Variants in FHIT observed in about 807,000 individuals in gnomAD.
FHIT encodes the protein fragile histidine triad diadenosine triphosphatase.
A neutral mutation model predicts 17.9 loss-of-function variants in FHIT; 19 were observed. That is an observed-to-expected ratio of 1.06 (90% confidence interval 0.74 to 1.56). FHIT has a LOEUF of 1.56. Among genes scored for constraint, FHIT ranks in the 40% most tolerant of loss-of-function variants. FHIT has a pLI of 0.00. For missense variants in FHIT, 248 were observed against 189.2 expected (o/e 1.31, Z -1.82); for synonymous variants, 81 against 69.7 (o/e 1.16, Z -0.81).
intron 5 of FHIT, among the ~76,000 whole-genome samples, chr3:60,323,295 A>C (rs932116081): frequency 2.0e-5 from 3 of 152,156 alleles, no homozygotes; most frequent in African/African-American, 7.2e-5. Context: ...TGCTTGACTA[A>C]ATTTTCCCAT....
At chr3:61,121,998 T>C (rs1457229597) in intron 2 of FHIT, among the ~76,000 whole-genome samples, 2 of 152,076 alleles carry the variant, frequency 1.3e-5, no homozygotes, top group Non-Finnish European at 2.9e-5. Context: ...CATTACATAA[T>C]GGTAAAGGGA....
chr3:60,147,017 G>A (rs571853817), intron 5 of FHIT, among the ~76,000 whole-genome samples: 3 of 152,178 alleles, frequency 2.0e-5, no homozygotes, highest in South Asian at 4.1e-4. Flanking sequence ...ATTTTGACAC[G>A]CAATCCTTTA....
At chr3:60,457,426 G>C (rs57708137) in intron 5 of FHIT, among the ~76,000 whole-genome samples, 4,018 of 151,494 alleles carry the variant, frequency 0.027, 175 homozygotes, top group African/African-American at 0.093. Context: ...ATACAAAAAT[G>C]AATTCAAGAT....
chr3:60,006,954 T>A (rs1699949479), intron 7 of FHIT, among the ~76,000 whole-genome samples: 1 of 152,230 alleles, frequency 6.6e-6, no homozygotes, highest in Non-Finnish European at 1.5e-5. Context: ...CTTCTTCTTC[T>A]AGAGCAATCT....
intron 3 of FHIT, among the ~76,000 whole-genome samples, chr3:60,829,040 G>A (rs1702223406): frequency 6.6e-6 from 1 of 152,196 alleles, no homozygotes; most frequent in Non-Finnish European, 1.5e-5. Flanking sequence ...CAAAGGCATG[G>A]AGTATACAGC....
In FHIT at chr3:60,130,802, T is replaced by C. The variant is rs1337634403; in HGVS notation, c.104-116650A>G. 1.0e-4 allele frequency among the ~76,000 whole-genome samples: 15 copies of C among 144,358 alleles called. No homozygotes were observed. The South Asian group carries it at 1.3e-3, about 12-fold the overall frequency. 94.7% of individuals were successfully genotyped at this position (144,358 alleles called of 152,430 possible). On this transcript the variant is annotated intron_variant, in intron 5 of 9. Coordinates refer to ENST00000492590, the MANE Select transcript of FHIT (RefSeq NM_002012.4). ...TGTGTGTGGTGTGTATATACACACA[T>C]ATATATGTGTGTATGTGTGTATAGG...
chr3:60,173,048 C>T (rs1451753810), intron 5 of FHIT, among the ~76,000 whole-genome samples: 1 of 152,090 alleles, frequency 6.6e-6, no homozygotes, highest in African/African-American at 2.4e-5. Context: ...ATCTGAAAAG[C>T]AATTATAAAT....
At chr3:60,337,934 T>A (rs532622014) in intron 5 of FHIT, among the ~76,000 whole-genome samples, 1 of 152,294 alleles carries the variant, frequency 6.6e-6, no homozygotes, top group Admixed American at 6.5e-5. Flanking sequence ...GAATACACAG[T>A]CACACATTAC....
intron 3 of FHIT, among the ~76,000 whole-genome samples, chr3:60,920,138 A>C (rs1315110882): frequency 2.6e-5 from 4 of 152,200 alleles, no homozygotes; most frequent in African/African-American, 9.6e-5. Context: ...TTTCAATAAA[A>C]TGGGAGATAA....
intron 2 of FHIT, among the ~76,000 whole-genome samples, chr3:61,152,861 G>A (rs2107057721): frequency 6.6e-6 from 1 of 152,178 alleles, no homozygotes; most frequent in African/African-American, 2.4e-5. Flanking sequence ...GACAATGGTG[G>A]GGCTGGGTGC....
At chr3:60,806,921 T>G (rs1701413528) in intron 4 of FHIT, among the ~76,000 whole-genome samples, 1 of 152,198 alleles carries the variant, frequency 6.6e-6, no homozygotes, top group African/African-American at 2.4e-5. Context: ...ATATCATCCT[T>G]CATTTTTAAT....
At chr3:60,619,712 A>T (rs2039064042) in intron 4 of FHIT, among the ~76,000 whole-genome samples, 1 of 152,022 alleles carries the variant, frequency 6.6e-6, no homozygotes, top group South Asian at 2.1e-4. Flanking sequence ...AAACCATAGA[A>T]CTCCTAGAAA....
At chr3:59,956,216 G>A (rs970737132) in intron 7 of FHIT, among the ~76,000 whole-genome samples, 3 of 152,088 alleles carry the variant, frequency 2.0e-5, no homozygotes, top group African/African-American at 7.2e-5. Flanking sequence ...CCCAGCTCTG[G>A]AGTCAAACTG....
At chr3:60,113,434 G>C (rs1195832211) in intron 5 of FHIT, among the ~76,000 whole-genome samples, 1 of 151,878 alleles carries the variant, frequency 6.6e-6, no homozygotes, top group East Asian at 1.9e-4. Flanking sequence ...TGTTCAACGT[G>C]TGTGTGGCCA....
intron 4 of FHIT, among the ~76,000 whole-genome samples, chr3:60,624,810 C>T (rs1471706299): frequency 6.6e-6 from 1 of 151,470 alleles, no homozygotes; most frequent in African/African-American, 2.4e-5. Context: ...TACTTCATTC[C>T]TTTTTTTTAC....
rs183670453 is a variant in FHIT at position 60,487,630 on chromosome 3, G to A, written c.103+49230C>T. On this transcript the variant is annotated intron_variant, in intron 5 of 9. Coordinates refer to ENST00000492590, the MANE Select transcript of FHIT (RefSeq NM_002012.4). The stretch of plus-strand genomic sequence containing the variant: ...CTTGAACTTGCCTTTCAATTACTCC[G>A]TGCTTGGAGCTTCCTGCAGTGCCTG... Among the ~76,000 whole-genome samples the A allele has an allele frequency of 1.5e-3, 230 of 152,252 alleles. 1 individual carries two copies. The highest frequency in any genetic ancestry group is 6.8e-3 in the Middle Eastern group (2 of 294).
At chr3:59,800,815 A>G (rs926927876) in intron 8 of FHIT, among the ~76,000 whole-genome samples, 4 of 152,152 alleles carry the variant, frequency 2.6e-5, no homozygotes, top group Non-Finnish European at 5.9e-5. Flanking sequence ...TTAAACCACA[A>G]CAGGACAGGA....
chr3:59,921,380 C>G (rs1390095931), intron 8 of FHIT, among the ~76,000 whole-genome samples: 1 of 152,130 alleles, frequency 6.6e-6, no homozygotes, highest in Admixed American at 6.5e-5. Flanking sequence ...TTGATAGAGC[C>G]ACATGATAAA....
chr3:60,386,846 A>G (rs1040741489), intron 5 of FHIT, among the ~76,000 whole-genome samples: 5 of 152,076 alleles, frequency 3.3e-5, no homozygotes, highest in African/African-American at 9.7e-5. Context: ...TTTAAACAGA[A>G]CTATGTCCAC....
Sources: allele counts gnomAD v4.1 joint callset (sites outside exome capture counted in the v4.1 genomes callset), GRCh38; gene constraint gnomAD v4.1.1; transcripts MANE v1.5; gene names NCBI Gene and HGNC (gene_info 2026-07-23, HGNC 2026-07-21).